The following TLN2 variants were observed in gnomAD, a reference collection of about 807,000 sequenced individuals.
TLN2 encodes talin 2.
In TLN2, 118 loss-of-function variants were observed where a neutral mutation model predicts 294.7. The ratio of observed to expected loss-of-function variants is 0.40; its 90% CI spans 0.34 to 0.47. The LOEUF is 0.47. TLN2 is among the 20% of genes least tolerant of loss of function. The probability of loss-of-function intolerance (pLI) is 0.84; values close to 1 mark genes in which losing one functional copy is unlikely to be tolerated. For synonymous variants in TLN2, 1,431 were observed against 1,304.5 expected, an observed-to-expected ratio of 1.10 and a Z score of -2.09; for missense variants, 3,083 against 3,282.2, an observed-to-expected ratio of 0.94 and a Z score of 1.48.
intron 15 of TLN2, among the ~76,000 whole-genome samples, 177 bp downstream of exon 15, chr15:62,698,045 A>G (rs1316264143): frequency 2.0e-5 from 3 of 152,206 alleles, no homozygotes; most frequent in Admixed American, 6.5e-5. Flanking sequence ...CCTGTTTAGT[A>G]TCGGAGGTGT....
At chr15:62,767,537 C>T (rs1167960613) in intron 41 of TLN2, among the ~76,000 whole-genome samples, 2 of 152,130 alleles carry the variant, frequency 1.3e-5, no homozygotes, top group African/African-American at 4.8e-5. Flanking sequence ...CGGGGTTTCT[C>T]CGTGTTGGTC....
intron 1 of TLN2, among the ~76,000 whole-genome samples, chr15:62,422,081 T>C (rs1419478308): frequency 6.6e-6 from 1 of 151,618 alleles, no homozygotes; most frequent in Non-Finnish European, 1.5e-5. Flanking sequence ...ACTAACATGG[T>C]GAAACCCCGT....
intron 45 of TLN2, among the ~76,000 whole-genome samples, chr15:62,786,842 C>T (rs2064703503): frequency 6.6e-6 from 1 of 152,098 alleles, no homozygotes; most frequent in Non-Finnish European, 1.5e-5. Context: ...CAGTTTTTGC[C>T]ATTACTTTTA....
chr15:62,825,925 C>CT (rs1182708721), intron 54 of TLN2, among the ~76,000 whole-genome samples: 1 of 135,454 alleles, frequency 7.4e-6, no homozygotes, highest in Non-Finnish European at 1.5e-5. Context: ...CCCAGCTACT[C>CT]AGGAGGCTGA....
At chr15:62,737,348 G>T (rs182809726) in intron 29 of TLN2, among the ~76,000 whole-genome samples, 2 of 152,322 alleles carry the variant, frequency 1.3e-5, no homozygotes, top group East Asian at 3.9e-4. Context: ...GTCCTTGGGA[G>T]TTTCAGAGCC....
chr15:62,463,410 A>G (rs2036926354), intron 1 of TLN2, among the ~76,000 whole-genome samples: 1 of 152,194 alleles, frequency 6.6e-6, no homozygotes, highest in Non-Finnish European at 1.5e-5. Context: ...TGTAAATCTG[A>G]AATGATGTAG....
chr15:62,532,987 C>G (rs964736374), intron 1 of TLN2, among the ~76,000 whole-genome samples: 6 of 152,066 alleles, frequency 3.9e-5, no homozygotes, highest in African/African-American at 1.4e-4. Flanking sequence ...GGCGCGATGG[C>G]TCACACCTGT....
At chr15:62,482,501 G>C (rs962941612) in intron 1 of TLN2, among the ~76,000 whole-genome samples, 10 of 151,730 alleles carry the variant, frequency 6.6e-5, no homozygotes, top group Admixed American at 3.3e-4. Flanking sequence ...ACTCAGGAGG[G>C]GGGAGGCAGG....
At chr15:62,574,561 C>G (rs1043425315) in intron 1 of TLN2, among the ~76,000 whole-genome samples, 32 of 102,442 alleles carry the variant, frequency 3.1e-4, no homozygotes, top group Middle Eastern at 0.011. Context: ...GCCTGGGCAA[C>G]AGGATGAGAC....
chr15:62,666,391 C>T (rs2054647208), intron 9 of TLN2, among the ~76,000 whole-genome samples: 1 of 152,136 alleles, frequency 6.6e-6, no homozygotes, highest in Non-Finnish European at 1.5e-5. Flanking sequence ...CTTGCTTGGT[C>T]TTCTGCTCCT....
chr15:62,545,732 A>AATCTCAG (rs1471725579), intron 1 of TLN2, among the ~76,000 whole-genome samples: 1 of 152,152 alleles, frequency 6.6e-6, no homozygotes, highest in South Asian at 2.1e-4. Flanking sequence ...GAAATTTGGT[A>AATCTCAG]ATCTCAGAAC....
chr15:62,742,024 G>GGGGTGT (rs1555495837), intron 32 of TLN2, among the ~76,000 whole-genome samples: 5 of 82,222 alleles, frequency 6.1e-5, no homozygotes, highest in African/African-American at 1.3e-4. Flanking sequence ...CTTGTAGTGG[G>GGGGTGT]GTGTGTGTGT....
intron 1 of TLN2, among the ~76,000 whole-genome samples, chr15:62,435,086 G>A (rs1432165739): frequency 2.0e-5 from 3 of 150,598 alleles, no homozygotes; most frequent in African/African-American, 7.3e-5. Context: ...CCCTGCAAAG[G>A]ACCAAGATCT....
At chr15:62,770,129 C>T (rs764704648) in intron 41 of TLN2, among the ~76,000 whole-genome samples, 4 of 152,204 alleles carry the variant, frequency 2.6e-5, no homozygotes, top group South Asian at 2.1e-4. Flanking sequence ...GCTGTCTCCA[C>T]CTCTTAGCTG....
At chr15:62,692,473 C>T (rs1431958549) in intron 12 of TLN2, among the ~76,000 whole-genome samples, 2 of 152,152 alleles carry the variant, frequency 1.3e-5, no homozygotes, top group African/African-American at 4.8e-5. Flanking sequence ...CTCTCTTGGG[C>T]TCCCCTTCTC....
In TLN2 at chr15:62,394,750, CTT is replaced by C. The variant is rs2032387748; in HGVS notation, c.-238+4066_-238+4067del. Reference sequence around the variant, plus strand: ...GATAACATGCTTAAGGTAGACCTCTCTTGTGTGTTGACCACCCTGACAATCTT... The same window carrying C: ...GATAACATGCTTAAGGTAGACCTCTCGTGTGTTGACCACCCTGACAATCTT... On this transcript the variant is annotated intron_variant, in intron 1 of 58. Transcript: ENST00000636159. Among the ~76,000 whole-genome samples, 6 of 152,286 alleles carry C rather than the reference CTT, an allele frequency of 3.9e-5. No homozygotes were observed. The South Asian group carries it at 1.2e-3, about 32-fold the overall frequency.
chr15:62,508,835 C>G (rs190002102), intron 1 of TLN2, among the ~76,000 whole-genome samples: 2 of 152,274 alleles, frequency 1.3e-5, no homozygotes, highest in East Asian at 1.9e-4. Flanking sequence ...GAGGTCTCTA[C>G]TATCCATTGT....
intron 1 of TLN2, among the ~76,000 whole-genome samples, chr15:62,495,569 A>C (rs1412493631): frequency 6.6e-6 from 1 of 152,252 alleles, no homozygotes; most frequent in African/African-American, 2.4e-5. Context: ...AGGGGTAGAA[A>C]TTGGGAGCAA....
At chr15:62,729,063 T>C (rs1254442365) in intron 28 of TLN2, among the ~76,000 whole-genome samples, 1 of 152,212 alleles carries the variant, frequency 6.6e-6, no homozygotes, top group Non-Finnish European at 1.5e-5. Context: ...CACATAGATA[T>C]CCATTTGACC....
Sources: allele counts gnomAD v4.1 joint callset (sites outside exome capture counted in the v4.1 genomes callset), GRCh38; gene constraint gnomAD v4.1.1; transcripts MANE v1.5; gene names NCBI Gene and HGNC (gene_info 2026-07-23, HGNC 2026-07-21).